The following SAMHD1 variants were observed in gnomAD, a reference collection of about 807,000 sequenced individuals.
The protein encoded by SAMHD1 is deoxynucleoside triphosphate triphosphohydrolase SAMHD1.
A neutral mutation model predicts 79.6 loss-of-function variants in SAMHD1; 54 were observed. That is an observed-to-expected ratio of 0.68 (90% CI 0.55 to 0.85). SAMHD1 has a LOEUF of 0.85. SAMHD1 is among the 40% of genes least tolerant of loss of function. SAMHD1 has a pLI of 0.00. For missense variants in SAMHD1, 663 were observed against 782.7 expected, an observed-to-expected ratio of 0.85 and a Z score of 1.82; for synonymous variants, 260 against 264.1, an observed-to-expected ratio of 0.98 and a Z score of 0.15.
At chr20:36,933,408 CTG>C (rs2063579803) in intron 4 of SAMHD1, among the ~76,000 whole-genome samples, 1 of 152,172 alleles carries the variant, frequency 6.6e-6, no homozygotes, top group South Asian at 2.1e-4. Flanking sequence ...AAGAGCAACT[CTG>C]TACCAGAGTA....
intron 6 of SAMHD1, among the ~76,000 whole-genome samples, chr20:36,924,881 G>A (rs1224543817): frequency 1.3e-5 from 2 of 151,946 alleles, no homozygotes; most frequent in South Asian, 2.1e-4. Context: ...TTTCTCGGCC[G>A]GGCACGGTGG....
In SAMHD1 at chr20:36,908,907, G is replaced by A. The variant is rs183320597; in HGVS notation, c.1270+2311C>T. On this transcript the variant is annotated intron_variant, in intron 11 of 15. Coordinates refer to ENST00000646673, the MANE Select transcript of SAMHD1 (RefSeq NM_015474.4). Reference sequence around the variant, plus strand: ...TTTTCAGAGCCTCCAGCCTTTCCACGGATTCTGTAAGCTATGTGATTGCTT... The same window carrying A: ...TTTTCAGAGCCTCCAGCCTTTCCACAGATTCTGTAAGCTATGTGATTGCTT... 1.9e-3 allele frequency among the ~76,000 whole-genome samples: 292 copies of A among 151,938 alleles called. 3 individuals are homozygous for A. The highest frequency in any genetic ancestry group is 6.5e-3 in the African/African-American group (271 of 41,422).
chr20:36,915,771 A>G (rs1173713415), intron 9 of SAMHD1, among the ~76,000 whole-genome samples: 1 of 151,872 alleles, frequency 6.6e-6, no homozygotes, highest in East Asian at 1.9e-4. Context: ...AGTTTTATAC[A>G]GATTTTCAAC....
In SAMHD1 at chr20:36,912,497, G is replaced by A. The variant is rs2063446559; in HGVS notation, c.1118C>T (p.Ala373Val). 4 of 1,613,204 alleles carry A rather than the reference G, an allele frequency of 2.5e-6. No individual in the cohort carries two copies. The highest frequency in any genetic ancestry group is 3.4e-6 in the Non-Finnish European group (4 of 1,179,276). The change falls in exon 10 of 16, where the codon GCT (alanine) becomes GTT (valine). Residue 373 changes from alanine (A) to valine (V), a missense_variant. Coordinates refer to ENST00000646673, the MANE Select transcript of SAMHD1 (RefSeq NM_015474.4). ...FHTRNSLHRR[A>V]YQHKVGNIID... ...AATGTTGCCAACTTTGTGTTGATAA[G>A]CTCTACGGTGTAAAGAGTTGCGAGT...
In SAMHD1 at chr20:36,933,688, A is replaced by G. The variant is rs376301998; in HGVS notation, c.509+1341T>C. Reference sequence around the variant, plus strand: ...GTATTTTTACTAGAGACGGGGTTTCACCATGTTGCTCAGGCTGGTCTCGAA... The same window carrying G: ...GTATTTTTACTAGAGACGGGGTTTCGCCATGTTGCTCAGGCTGGTCTCGAA... On this transcript the variant is annotated intron_variant, in intron 4 of 15. Coordinates refer to ENST00000646673, the MANE Select transcript of SAMHD1 (RefSeq NM_015474.4). 3.4e-4 allele frequency among the ~76,000 whole-genome samples: 51 copies of G among 151,910 alleles called. No individual in the cohort carries two copies. In the East Asian group the frequency reaches 9.8e-3, roughly 29 times the overall value.
chr20:36,892,642 A>C lies in SAMHD1; in HGVS notation c.*290T>G, dbSNP rs1990104540. On this transcript the variant is annotated 3_prime_UTR_variant, in exon 16 of 16. Coordinates refer to ENST00000646673, the MANE Select transcript of SAMHD1 (RefSeq NM_015474.4). ...ACCTTGTCTCTTAAAAAAGAAAAAA[A>C]ATAGAGTTCAGAATAGATAAAAGAG... The C allele has an allele frequency of 2.4e-6, 1 of 417,498 alleles. No individual in the cohort carries two copies. The highest frequency in any genetic ancestry group is 3.8e-5 in the Admixed American group (1 of 26,482). The allele number at this position is 417,498 out of a possible 1,614,324, so 25.9% of individuals were successfully genotyped here.
rs763934219 is a variant in SAMHD1, at chr20:36,946,729, C to T, written c.275+9G>A. 1 of 1,604,680 alleles carries T rather than the reference C, an allele frequency of 6.2e-7. No homozygotes were observed. Among genetic ancestry groups the T allele is most frequent in the South Asian group, 1.1e-5 (1 of 90,390 alleles). ...TGGTTATAACGTGAATTTATTTCTT[C>T]ATTCTTACCTTACTCCAAGATTTTC... On this transcript the variant is annotated intron_variant, in intron 2 of 15. Transcript: ENST00000646673.
chr20:36,918,821 AAAAG>A (rs1568770500), intron 7 of SAMHD1, among the ~76,000 whole-genome samples: 15 of 147,726 alleles, frequency 1.0e-4, no homozygotes, highest in South Asian at 2.1e-4. Context: ...AAAAAAAAAA[AAAAG>A]AAAGAAAGAA....
In SAMHD1 at chr20:36,910,264, T is replaced by C. The variant is rs2063429784; in HGVS notation, c.1270+954A>G. 2.0e-5 allele frequency among the ~76,000 whole-genome samples: 3 copies of C among 147,234 alleles called. No homozygotes were observed. In the South Asian group the frequency reaches 6.5e-4, roughly 32 times the overall value. On this transcript the variant is annotated intron_variant, in intron 11 of 15. Transcript: ENST00000646673. Reference sequence around the variant, plus strand: ...ATTCCCAGGTGTGGTGGCACATGCCTATAGTCCCAAGTAGCCAAATCAGCT... The same window carrying C: ...ATTCCCAGGTGTGGTGGCACATGCCCATAGTCCCAAGTAGCCAAATCAGCT...
At chr20:36,905,284 T>A (rs776886611) in intron 12 of SAMHD1, 80 bp downstream of exon 12, 3 of 1,418,934 alleles carry the variant, frequency 2.1e-6, no homozygotes, top group Non-Finnish European at 1.0e-6. Flanking sequence ...TACAGAGTCA[T>A]AGTATCACGA....
intron 5 of SAMHD1, among the ~76,000 whole-genome samples, chr20:36,930,109 TAAG>T (rs2063559536): frequency 2.2e-5 from 3 of 137,724 alleles, no homozygotes; most frequent in African/African-American, 8.0e-5. Flanking sequence ...AAAATAAGCA[TAAG>T]AAGGATAAAA....
Position 36,897,965 on chromosome 20 carries a change from T to A in SAMHD1, c.1609-6A>T, listed in dbSNP as rs1326107057. The A allele has an allele frequency of 6.2e-7, 1 of 1,614,118 alleles. No individual in the cohort carries two copies. On this transcript the variant is annotated splice_polypyrimidine_tract_variant and splice_region_variant and intron_variant, in intron 14 of 15. Coordinates refer to ENST00000646673, the MANE Select transcript of SAMHD1 (RefSeq NM_015474.4). ...TCTGGCAGAAGTTGTGAAACCTTTT[T>A]AAAATGAAGAGATTTCACTATCACC...
At chr20:36,941,851 A>T (rs1417308537) in intron 2 of SAMHD1, among the ~76,000 whole-genome samples, 3 of 152,174 alleles carry the variant, frequency 2.0e-5, no homozygotes. Context: ...AACACTTAAG[A>T]ATAATATCTT....
At chr20:36,893,692 G>C (rs183989294) in intron 15 of SAMHD1, 1 of 390,458 alleles carries the variant, frequency 2.6e-6, no homozygotes, top group Non-Finnish European at 4.5e-6. Context: ...GAACTTGTGG[G>C]TAGATCTTCT....
chr20:36,898,901 A>G (rs561092651), intron 13 of SAMHD1, among the ~76,000 whole-genome samples: 2 of 132,766 alleles, frequency 1.5e-5, no homozygotes, highest in Non-Finnish European at 1.6e-5. Flanking sequence ...ACAGAGTGAG[A>G]CTCTGACTCA....
chr20:36,889,962 G>C (rs529450390), downstream of SAMHD1: 1 of 152,282 alleles, frequency 6.6e-6, no homozygotes, highest in South Asian at 2.1e-4. Context: ...TACTCTGTAT[G>C]TGTGGAAATG....
rs1990114422 is a variant in SAMHD1, at chr20:36,892,970, T to C, written c.1843A>G (p.Lys615Glu). The C allele has an allele frequency of 1.2e-6, 2 of 1,614,142 alleles. No homozygotes were observed. Among genetic ancestry groups the C allele is most frequent in the Non-Finnish European group, 1.7e-6 (2 of 1,180,028 alleles). ...TCTTTAAAAAGCTGGACTCTGCTTT[T>C]GGATGCTTCTCGGAGGCGAGTTGGA... ...QNPTRLREAS[K>E]SRVQLFKDDP... The change falls in exon 16 of 16, where the codon AAA becomes GAA. Residue 615 changes from lysine (K) to glutamate (E), a missense_variant. By Grantham distance (56) the Lys-to-Glu change is moderately conservative. Coordinates refer to ENST00000646673, the MANE Select transcript of SAMHD1 (RefSeq NM_015474.4).
chr20:36,893,664 T>C, intron 15 of SAMHD1: 1 of 387,694 alleles, frequency 2.6e-6, no homozygotes, highest in Admixed American at 4.3e-5. Context: ...AATACTTGAC[T>C]CTATGCTAAA....
Position 36,898,113 on chromosome 20 carries a change from C to G in SAMHD1, c.1609-154G>C, listed in dbSNP as rs145982728. ...GTGGCACAATCACAGCTCACTGAAG[C>G]CTTGACCTCCCAGGCACAAGTGATC... On this transcript the variant is annotated intron_variant, in intron 14 of 15. Coordinates refer to ENST00000646673, the MANE Select transcript of SAMHD1 (RefSeq NM_015474.4). Among the ~76,000 whole-genome samples the G allele has an allele frequency of 4.9e-3, 744 of 152,266 alleles. 3 individuals carry two copies. The highest frequency in any genetic ancestry group is 0.011 in the South Asian group (51 of 4,824).
Sources: gnomAD v4.1 joint callset for allele counts (sites outside exome capture counted in the v4.1 genomes callset) on GRCh38, gnomAD v4.1.1 for gene constraint, MANE v1.5 for transcripts, NCBI Gene and HGNC (gene_info 2026-07-23, HGNC 2026-07-21) for gene names.